MED12L: variants seen among roughly 807,000 people sequenced by gnomAD.
MED12L encodes mediator complex subunit 12L.
In MED12L, 60 loss-of-function variants were observed where a neutral mutation model predicts 281.3. That is an observed-to-expected ratio of 0.21 (90% CI 0.17 to 0.26). MED12L has a LOEUF of 0.26. MED12L is among the 10% of genes least tolerant of loss of function. MED12L has a pLI of 1.00. For synonymous variants in MED12L, 974 were observed against 987.2 expected, an observed-to-expected ratio of 0.99 and a Z score of 0.25; for missense variants, 2,146 against 2,680.9, an observed-to-expected ratio of 0.80 and a Z score of 4.41.
chr3:151,421,116 GTAACCTCCATC>G (rs1268238917), intron 43 of MED12L, among the ~76,000 whole-genome samples: 38 of 152,114 alleles, frequency 2.5e-4, no homozygotes, highest in Non-Finnish European at 3.2e-4. Context: ...GAGCCTGTGC[GTAACCTCCATC>G]CCTGCCACCA....
chr3:151,205,367 A>G (rs1726201541), intron 16 of MED12L, among the ~76,000 whole-genome samples: 1 of 152,238 alleles, frequency 6.6e-6, no homozygotes, highest in African/African-American at 2.4e-5. Context: ...TTAAAGCTAA[A>G]TTGTCCACCA....
intron 16 of MED12L, among the ~76,000 whole-genome samples, chr3:151,320,039 C>T (rs1748810781): frequency 6.6e-6 from 1 of 152,196 alleles, no homozygotes; most frequent in Non-Finnish European, 1.5e-5. Context: ...AGACATTGAG[C>T]AAATGTATTA....
intron 11 of MED12L, among the ~76,000 whole-genome samples, chr3:151,181,845 G>T (rs1306341718): frequency 6.6e-6 from 1 of 152,084 alleles, no homozygotes; most frequent in East Asian, 1.9e-4. Flanking sequence ...TTTGCCTCCT[G>T]AAGTGTGGGA....
At chr3:151,398,150 T>G (rs143885191) in intron 39 of MED12L, among the ~76,000 whole-genome samples, 15 of 152,346 alleles carry the variant, frequency 9.8e-5, no homozygotes, top group African/African-American at 3.1e-4. Flanking sequence ...CTTAGTAGCC[T>G]TAATCCTCAG....
intron 16 of MED12L, among the ~76,000 whole-genome samples, chr3:151,248,648 T>A (rs1736235476): frequency 6.6e-6 from 1 of 152,082 alleles, no homozygotes; most frequent in Non-Finnish European, 1.5e-5. Context: ...TGAAAGGAAA[T>A]CATGCCTTAT....
intron 43 of MED12L, among the ~76,000 whole-genome samples, chr3:151,418,006 C>A (rs1234530115): frequency 6.6e-6 from 1 of 152,154 alleles, no homozygotes; most frequent in Non-Finnish European, 1.5e-5. Context: ...CCACTGTTAG[C>A]TGAGTCTAGT....
At chr3:151,396,354 G>A (rs147342266) in intron 39 of MED12L, among the ~76,000 whole-genome samples, 225 of 152,322 alleles carry the variant, frequency 1.5e-3, no homozygotes, top group African/African-American at 4.9e-3. Context: ...AGGGCCAGGC[G>A]TGGTGGCTTA....
intron 16 of MED12L, 106 bp downstream of exon 16, chr3:151,193,772 A>C: frequency 9.4e-7 from 1 of 1,058,836 alleles, no homozygotes; most frequent in East Asian, 2.4e-5. Context: ...TAATGATAGC[A>C]GGTGAGTTTT....
chr3:151,198,360 T>TAAAA, intron 16 of MED12L: 1 of 1,155,716 alleles, frequency 8.7e-7, no homozygotes, highest in Admixed American at 2.5e-5. Flanking sequence ...TTTTTTTATC[T>TAAAA]TTCAAAGCTA....
At chr3:151,221,483 G>A (rs763753451) in intron 16 of MED12L, among the ~76,000 whole-genome samples, 5 of 152,208 alleles carry the variant, frequency 3.3e-5, no homozygotes, top group South Asian at 2.1e-4. Context: ...AAGTGGTTTC[G>A]TGGGCCCAGC....
intron 43 of MED12L, among the ~76,000 whole-genome samples, chr3:151,419,316 G>A (rs879430802): frequency 1.3e-5 from 2 of 152,198 alleles, no homozygotes; most frequent in Non-Finnish European, 2.9e-5. Flanking sequence ...GCTGGCTGAG[G>A]AGCAAGGAGA....
At chr3:151,362,438 C>A (rs1030909928) in intron 21 of MED12L, among the ~76,000 whole-genome samples, 2 of 152,038 alleles carry the variant, frequency 1.3e-5, no homozygotes, top group African/African-American at 4.8e-5. Flanking sequence ...GGCTTTTGCA[C>A]TTTATCTTAC....
chr3:151,184,695 G>A (rs954290809), intron 11 of MED12L, among the ~76,000 whole-genome samples: 10 of 152,190 alleles, frequency 6.6e-5, no homozygotes, highest in Non-Finnish European at 1.3e-4. Flanking sequence ...TGGTCACCAT[G>A]CTGAGCCCTA....
rs1266626573 is a variant in MED12L, at chr3:151,360,395, T to C, written c.2826-79T>C. On this transcript the variant is annotated intron_variant, in intron 20 of 44. Coordinates refer to ENST00000687756, the MANE Select transcript of MED12L (RefSeq NM_001393769.1). The stretch of plus-strand genomic sequence containing the variant: ...CTTTTTCTTACCCAAGTGATACATA[T>C]TTTCATTCTAAAAGAGTCAAATGAT... 5.2e-6 allele frequency: 7 copies of C among 1,340,308 alleles called. No individual in the cohort carries two copies. In the East Asian group the frequency reaches 1.4e-4, roughly 27 times the overall value. 83.0% of individuals were successfully genotyped at this position (1,340,308 alleles called of 1,614,324 possible).
chr3:151,346,820 T>G (rs1752605367), intron 16 of MED12L, among the ~76,000 whole-genome samples: 1 of 152,090 alleles, frequency 6.6e-6, no homozygotes, highest in South Asian at 2.1e-4. Flanking sequence ...TTAGGGCCCA[T>G]ATCAAACCAA....
chr3:151,375,984 G>C lies in MED12L; in HGVS notation c.3865-42G>C, dbSNP rs201190703. 3.1e-6 allele frequency: 3 copies of C among 964,766 alleles called. No individual in the cohort carries two copies. In the East Asian group the frequency reaches 8.5e-5, roughly 27 times the overall value. The allele number at this position is 964,766 out of a possible 1,614,324, so 59.8% of individuals were successfully genotyped here. ...AGTACATATTGCATATATATATACC[G>C]AAAGCCAGTGCCTGTCAATCTAATT... is the stretch of plus-strand genomic sequence containing the variant. On this transcript the variant is annotated intron_variant, in intron 27 of 44. Coordinates refer to ENST00000687756, the MANE Select transcript of MED12L (RefSeq NM_001393769.1).
chr3:151,293,104 C>T (rs185599688), intron 16 of MED12L, among the ~76,000 whole-genome samples: 3 of 152,122 alleles, frequency 2.0e-5, no homozygotes, highest in African/African-American at 7.2e-5. Context: ...CTAAACCTGA[C>T]TGACTTAGAT....
chr3:151,281,829 A>G (rs73023060), intron 16 of MED12L, among the ~76,000 whole-genome samples: 6,687 of 152,260 alleles, frequency 0.044, 484 homozygotes, highest in African/African-American at 0.15. Flanking sequence ...AGGACTGGTT[A>G]TATATAAACA....
intron 16 of MED12L, among the ~76,000 whole-genome samples, chr3:151,203,607 C>T (rs999038747): frequency 3.3e-5 from 5 of 151,458 alleles, no homozygotes; most frequent in African/African-American, 1.2e-4. Context: ...CCTGCTGAGA[C>T]ACCTATTATT....
Sources: gnomAD v4.1 joint callset for allele counts (sites outside exome capture counted in the v4.1 genomes callset) on GRCh38, gnomAD v4.1.1 for gene constraint, MANE v1.5 for transcripts, NCBI Gene and HGNC (gene_info 2026-07-23, HGNC 2026-07-21) for gene names.